ACP3: variants seen among roughly 807,000 people sequenced by gnomAD.
The protein encoded by ACP3 is prostatic acid phosphatase.
Under a neutral mutation model 45.6 loss-of-function variants are expected in ACP3, and 38 were observed. The ratio of observed to expected loss-of-function variants is 0.83; its 90% CI spans 0.64 to 1.09. ACP3 has a LOEUF of 1.09. ACP3 is among the 50% of genes least tolerant of loss of function. The pLI is 0.00. For missense variants in ACP3, 466 were observed against 463.2 expected, an observed-to-expected ratio of 1.01 and a Z score of -0.05; for synonymous variants, 162 against 164.7, an observed-to-expected ratio of 0.98 and a Z score of 0.13.
chr3:132,355,515 A>T (rs13059461), intron 9 of ACP3, among the ~76,000 whole-genome samples: 4,405 of 137,646 alleles, frequency 0.032, 88 homozygotes, highest in Middle Eastern at 0.064. Flanking sequence ...TTTTATTTTT[A>T]TTTTATTTTA....
chr3:132,321,236 GA>G (rs1190082872), intron 1 of ACP3, among the ~76,000 whole-genome samples: 1 of 151,756 alleles, frequency 6.6e-6, no homozygotes, highest in Non-Finnish European at 1.5e-5. Flanking sequence ...CAGCACTTTG[GA>G]AAGCCGAAAC....
At chr3:132,344,560 C>T (rs182025135) in intron 6 of ACP3, among the ~76,000 whole-genome samples, 32 of 152,196 alleles carry the variant, frequency 2.1e-4, no homozygotes, top group Admixed American at 5.2e-4. Context: ...TCTCAGGCAG[C>T]CCATTCAGCT....
Position 132,337,457 on chromosome 3 carries a change from T to C in ACP3, c.458T>C (p.Leu153Ser). 6.3e-7 allele frequency: 1 copy of C among 1,599,292 alleles called. No homozygotes were observed. Residue 153 changes from leucine to serine, a missense_variant and splice_region_variant, in exon 5 of 10, where the codon TTG becomes TCG. Transcript: ENST00000336375. Reference sequence around the variant, plus strand: ...TTATGATTTTTCTCTTATCCTCAGTTGCTATACCTGCCTTTCAGGAACTGC... The same window carrying C: ...TTATGATTTTTCTCTTATCCTCAGTCGCTATACCTGCCTTTCAGGAACTGC... ...VHTVPLSEDQ[L>S]LYLPFRNCPR...
chr3:132,339,557 T>C (rs1319465787), intron 5 of ACP3, among the ~76,000 whole-genome samples: 1 of 152,214 alleles, frequency 6.6e-6, no homozygotes. Flanking sequence ...AACTTCCTCT[T>C]TGGGTTCGAT....
At chr3:132,340,532 T>A (rs961557324) in intron 5 of ACP3, among the ~76,000 whole-genome samples, 5 of 152,218 alleles carry the variant, frequency 3.3e-5, no homozygotes, top group Non-Finnish European at 5.9e-5. Flanking sequence ...TTTCTTCTAA[T>A]TCCACTCTAG....
intron 9 of ACP3, among the ~76,000 whole-genome samples, chr3:132,355,463 A>G (rs970063515): frequency 2.5e-5 from 2 of 81,464 alleles, no homozygotes; most frequent in Admixed American, 2.5e-4. Context: ...TGTAAGTTTT[A>G]TAGACATCTT....
At position 132,317,436 on chromosome 3, in the gene ACP3, C is replaced by A; in HGVS notation, c.-21C>A. ...TGGTAGCAGTTCCTCCTAACTCCTGCCAGAAACAGCTCTCCTCAACATGAG... is the reference window on the plus strand; with the variant it reads ...TGGTAGCAGTTCCTCCTAACTCCTGACAGAAACAGCTCTCCTCAACATGAG... On this transcript the variant is annotated 5_prime_UTR_variant, in exon 1 of 10. Coordinates refer to ENST00000336375, the MANE Select transcript of ACP3 (RefSeq NM_001099.5). 1 of 1,606,956 alleles carries A rather than the reference C, an allele frequency of 6.2e-7. No homozygotes were observed. Among genetic ancestry groups the A allele is most frequent in the Non-Finnish European group, 8.5e-7 (1 of 1,177,556 alleles).
intron 2 of ACP3, among the ~76,000 whole-genome samples, chr3:132,329,507 T>G (rs563533663): frequency 6.6e-6 from 1 of 152,286 alleles, no homozygotes; most frequent in African/African-American, 2.4e-5. Context: ...AGGTCAAAGC[T>G]CTTCTCACCA....
At chr3:132,367,787 C>G in exon 11 of ACP3, 1 of 1,613,764 alleles carries the variant, frequency 6.2e-7, no homozygotes, top group Non-Finnish European at 8.5e-7. Context: ...TCGCCGTGGA[C>G]TCTGCTGGCA....
At chr3:132,331,124 AGT>A (rs139698887) in intron 2 of ACP3, among the ~76,000 whole-genome samples, 1,817 of 152,332 alleles carry the variant, frequency 0.012, 46 homozygotes, top group African/African-American at 0.042. Context: ...AATGCTTTTA[AGT>A]GAAGCCAATA....
intron 9 of ACP3, among the ~76,000 whole-genome samples, 183 bp downstream of exon 9, chr3:132,353,006 T>G (rs1937793973): frequency 6.6e-6 from 1 of 152,146 alleles, no homozygotes; most frequent in Non-Finnish European, 1.5e-5. Context: ...AGACTTTTAC[T>G]GGAAAATAAT....
chr3:132,352,996 A>G (rs1234782216), intron 9 of ACP3, among the ~76,000 whole-genome samples, 173 bp downstream of exon 9: 1 of 152,160 alleles, frequency 6.6e-6, no homozygotes, highest in African/African-American at 2.4e-5. Context: ...TTTTTCATGA[A>G]GACTTTTACT....
chr3:132,342,627 G>T lies in ACP3; in HGVS notation c.631G>T (p.Asp211Tyr). The T allele has an allele frequency of 6.2e-7, 1 of 1,607,156 alleles. No homozygotes were observed. Among genetic ancestry groups the T allele is most frequent in the Admixed American group, 1.7e-5 (1 of 58,472 alleles). The change falls in exon 6 of 10, where the codon GAC becomes TAC. Residue 211 changes from aspartate to tyrosine, a missense_variant. Physicochemically the swap from Asp to Tyr is radical, Grantham distance 160. Transcript: ENST00000336375. ...TTTTGGAATTTGGAGTAAAGTCTACGACCCTTTATATTGTGAGGTAAAAGA... is the reference window on the plus strand; with the variant it reads ...TTTTGGAATTTGGAGTAAAGTCTACTACCCTTTATATTGTGAGGTAAAAGA... ...DLFGIWSKVYDPLYCESVHNF... is the reference protein window; with the variant it reads ...DLFGIWSKVYYPLYCESVHNF...
intron 8 of ACP3, among the ~76,000 whole-genome samples, chr3:132,351,621 G>T (rs186592015): frequency 6.6e-6 from 1 of 152,302 alleles, no homozygotes; most frequent in Admixed American, 6.5e-5. Flanking sequence ...GAGAGAGATA[G>T]GCCTGAAATT....
At chr3:132,347,782 C>A (rs531711587) in intron 7 of ACP3, among the ~76,000 whole-genome samples, 2 of 151,496 alleles carry the variant, frequency 1.3e-5, no homozygotes, top group South Asian at 2.1e-4. Context: ...TGTGCCCAGT[C>A]TAGAATTTTT....
intron 5 of ACP3, among the ~76,000 whole-genome samples, chr3:132,341,710 TCCTC>T (rs1937555057): frequency 1.3e-5 from 2 of 152,202 alleles, no homozygotes; most frequent in Non-Finnish European, 2.9e-5. Flanking sequence ...TTGGTAGAAT[TCCTC>T]TATGACAGTC....
intron 5 of ACP3, among the ~76,000 whole-genome samples, chr3:132,339,621 C>G (rs1423540494): frequency 6.6e-6 from 1 of 152,202 alleles, no homozygotes. Flanking sequence ...TTGGTTATTA[C>G]AAAGGATATT....
intron 6 of ACP3, 23 bp downstream of exon 6, chr3:132,342,667 G>T: frequency 7.2e-7 from 1 of 1,390,292 alleles, no homozygotes; most frequent in Non-Finnish European, 1.0e-6. Flanking sequence ...AAAATCACAG[G>T]TTAACTTGCA....
intron 1 of ACP3, among the ~76,000 whole-genome samples, chr3:132,323,698 G>A (rs1238277170): frequency 6.6e-6 from 1 of 152,206 alleles, no homozygotes; most frequent in Non-Finnish European, 1.5e-5. Context: ...GGATGTAACA[G>A]CAGGAGGGCC....
Sources: allele counts gnomAD v4.1 joint callset (sites outside exome capture counted in the v4.1 genomes callset), GRCh38; gene constraint gnomAD v4.1.1; transcripts MANE v1.5; gene names NCBI Gene and HGNC (gene_info 2026-07-23, HGNC 2026-07-21).